The following IL34 variants were observed in gnomAD, a reference collection of about 807,000 sequenced individuals.
IL34 encodes interleukin 34, also known as interleukin-34.
A neutral mutation model predicts 25.3 loss-of-function variants in IL34; 17 were observed. The observed-to-expected ratio is 0.67, with a 90% confidence interval of 0.46 to 1.01. IL34 has a LOEUF of 1.01. Among genes scored for constraint, IL34 ranks in the 50% least tolerant of loss-of-function variants. IL34 has a pLI of 0.00. For synonymous variants in IL34, 174 were observed against 140.9 expected, an observed-to-expected ratio of 1.23 and a Z score of -1.66; for missense variants, 368 against 312.9, an observed-to-expected ratio of 1.18 and a Z score of -1.33.
rs764090064 is a variant in IL34, at chr16:70,623,623, TCTTATA to T, written c.-400-22921_-400-22916del. On this transcript the variant is annotated intron_variant, in intron 1 of 6. Coordinates refer to the IL34 transcript ENST00000429149. ...AGTCGCCAAGGAGGGAGTAGAGGTATCTTATACTTGTGGGTTAAGGTGGGGGAATAC... is the reference window on the plus strand; with the variant it reads ...AGTCGCCAAGGAGGGAGTAGAGGTATCTTGTGGGTTAAGGTGGGGGAATAC... Among the ~76,000 whole-genome samples the T allele has an allele frequency of 1.2e-3, 182 of 152,028 alleles. 3 individuals are homozygous for T. The highest frequency in any genetic ancestry group is 1.4e-3 in the Non-Finnish European group (93 of 67,962).
At chr16:70,654,946 C>T (rs147498667) in intron 2 of IL34, among the ~76,000 whole-genome samples, 81 of 152,288 alleles carry the variant, frequency 5.3e-4, no homozygotes, top group Middle Eastern at 3.4e-3. Context: ...GAATGGACAC[C>T]TGGAGCTCTT....
chr16:70,620,761 C>G (rs2051264612), intron 1 of IL34, among the ~76,000 whole-genome samples: 1 of 152,120 alleles, frequency 6.6e-6, no homozygotes, highest in African/African-American at 2.4e-5. Context: ...GTGCTATTTT[C>G]TGGCTATTTG....
intron 1 of IL34, among the ~76,000 whole-genome samples, chr16:70,630,475 G>A (rs887283604): frequency 6.6e-6 from 1 of 151,750 alleles, no homozygotes; most frequent in Non-Finnish European, 1.5e-5. Context: ...CAGGTGATCT[G>A]CCAGCGTCGG....
intron 1 of IL34, among the ~76,000 whole-genome samples, chr16:70,651,770 A>C (rs2052085313): frequency 6.6e-6 from 1 of 152,176 alleles, no homozygotes; most frequent in Admixed American, 6.5e-5. Flanking sequence ...TGTAAAAAAA[A>C]AAAAAAAGAG....
At chr16:70,594,731 A>G (rs2050796367) in intron 1 of IL34, among the ~76,000 whole-genome samples, 1 of 152,124 alleles carries the variant, frequency 6.6e-6, no homozygotes, top group Admixed American at 6.6e-5. Flanking sequence ...GGTCCTGCCA[A>G]GATCTAGGGG....
chr16:70,628,580 G>T (rs1261826168), intron 1 of IL34, among the ~76,000 whole-genome samples: 1 of 151,288 alleles, frequency 6.6e-6, no homozygotes, highest in Non-Finnish European at 1.5e-5. Context: ...TCCGGCTCGC[G>T]GGTTCAAGCG....
intron 1 of IL34, among the ~76,000 whole-genome samples, chr16:70,631,096 C>T (rs142976210): frequency 7.2e-5 from 11 of 152,322 alleles, no homozygotes; most frequent in African/African-American, 1.4e-4. Flanking sequence ...AATCCATGGA[C>T]GCAGAAGACT....
intron 1 of IL34, among the ~76,000 whole-genome samples, chr16:70,597,901 G>C (rs1233934273): frequency 6.6e-6 from 1 of 152,068 alleles, no homozygotes; most frequent in East Asian, 1.9e-4. Context: ...GCAATGGCGC[G>C]ATCTTGGCTC....
At chr16:70,634,299 GCAGGCAGCACTGTT>G in intron 1 of IL34, among the ~76,000 whole-genome samples, 1 of 152,250 alleles carries the variant, frequency 6.6e-6, no homozygotes, top group Non-Finnish European at 1.5e-5. Flanking sequence ...TGAACTGGGG[GCAGGCAGCACTGTT>G]CAACCCAGTA....
intron 1 of IL34, among the ~76,000 whole-genome samples, chr16:70,626,751 C>A (rs2051402944): frequency 6.6e-6 from 1 of 151,998 alleles, no homozygotes; most frequent in South Asian, 2.1e-4. Flanking sequence ...AATTTTGATC[C>A]TTTTGGAATT....
intron 1 of IL34, among the ~76,000 whole-genome samples, chr16:70,599,316 CT>C (rs60581901): frequency 6.6e-5 from 6 of 91,560 alleles, no homozygotes; most frequent in African/African-American, 1.7e-4. Flanking sequence ...TTCTTTCTTT[CT>C]TTTCTTTCTT....
At chr16:70,637,604 C>A (rs2051685226) in intron 1 of IL34, among the ~76,000 whole-genome samples, 1 of 152,110 alleles carries the variant, frequency 6.6e-6, no homozygotes, top group African/African-American at 2.4e-5. Flanking sequence ...CTCGACCTCC[C>A]AAAATGCTGG....
Position 70,656,977 on chromosome 16 carries a change from C to T in IL34, c.258C>T (p.Ser86=), listed in dbSNP as rs202131686. 24 of 1,608,960 alleles carry T rather than the reference C, an allele frequency of 1.5e-5. 1 individual carries two copies. Among genetic ancestry groups the T allele is most frequent in the Admixed American group, 1.0e-4 (6 of 59,758 alleles). ...TTCCGCAGCAGAGGGCCCAGGTGAG[C>T]GAGCGGGAGCTGCGGTATCTGTGGG... ...NVTRLQRAQV[S]ERELRYLWVL... The change falls in exon 4 of 6, where the codon AGC becomes AGT. Residue 86 remains serine (S), a synonymous_variant. Coordinates refer to ENST00000288098, the MANE Select transcript of IL34 (RefSeq NM_001393494.1).
intron 1 of IL34, among the ~76,000 whole-genome samples, chr16:70,580,511 G>T (rs2050624971): frequency 6.6e-6 from 1 of 152,218 alleles, no homozygotes; most frequent in African/African-American, 2.4e-5. Flanking sequence ...CAGGCGCAGT[G>T]GCTCACGCCT....
chr16:70,582,215 A>G (rs2050643385), intron 1 of IL34, among the ~76,000 whole-genome samples: 1 of 152,216 alleles, frequency 6.6e-6, no homozygotes, highest in Non-Finnish European at 1.5e-5. Context: ...TGGCAGGTGG[A>G]GCATCAGGCT....
intron 1 of IL34, among the ~76,000 whole-genome samples, chr16:70,625,390 G>A (rs192057223): frequency 7.4e-4 from 113 of 152,178 alleles, no homozygotes; most frequent in East Asian, 6.0e-3. Context: ...GTTGGGGTGC[G>A]GAAATAAGGG....
At chr16:70,645,681 C>T (rs982585825), upstream of IL34, among the ~76,000 whole-genome samples, 2 of 152,188 alleles carry the variant, frequency 1.3e-5, no homozygotes, top group African/African-American at 4.8e-5. Flanking sequence ...CTTAACCTTT[C>T]TGGGCCTCAG....
At chr16:70,586,471 G>T (rs781666583) in intron 1 of IL34, among the ~76,000 whole-genome samples, 3 of 152,122 alleles carry the variant, frequency 2.0e-5, no homozygotes, top group African/African-American at 4.8e-5. Flanking sequence ...TGGGAGGATT[G>T]CTTGAGCCCT....
intron 1 of IL34, among the ~76,000 whole-genome samples, chr16:70,595,617 C>A (rs2050810821): frequency 6.6e-6 from 1 of 152,118 alleles, no homozygotes; most frequent in African/African-American, 2.4e-5. Context: ...TGCGCCAGGG[C>A]TCCTCTCTCA....
Sources: allele counts gnomAD v4.1 joint callset (sites outside exome capture counted in the v4.1 genomes callset), GRCh38; gene constraint gnomAD v4.1.1; transcripts MANE v1.5; gene names NCBI Gene and HGNC (gene_info 2026-07-23, HGNC 2026-07-21).